ADAMTSL2: variants seen among roughly 807,000 people sequenced by gnomAD.
ADAMTSL2 encodes ADAMTS like 2.
A neutral mutation model predicts 117.0 loss-of-function variants in ADAMTSL2; 55 were observed. The ratio of observed to expected loss-of-function variants is 0.47; its 90% CI spans 0.38 to 0.59. The LOEUF (loss-of-function observed/expected upper bound fraction) is 0.59. Ranked by LOEUF, ADAMTSL2 falls within the 20% of genes least tolerant of loss-of-function variation. ADAMTSL2 has a pLI of 0.00. For synonymous variants in ADAMTSL2, 572 were observed against 566.4 expected, an observed-to-expected ratio of 1.01 and a Z score of -0.14; for missense variants, 1,182 against 1,354.5, an observed-to-expected ratio of 0.87 and a Z score of 2.00.
rs774836985 is a variant in ADAMTSL2 at position 133,536,809 on chromosome 9, G to T, written c.90+7G>T. ...AGTGTCAACCGGGTCCACGGTGAGT[G>T]GGGTGTTGTGGTCTGAGGGCCCATG... is the stretch of plus-strand genomic sequence containing the variant. On this transcript the variant is annotated splice_region_variant and intron_variant, in intron 2 of 18. Transcript: ENST00000651351. The T allele has an allele frequency of 6.2e-7, 1 of 1,614,168 alleles. No homozygotes were observed. Among genetic ancestry groups the T allele is most frequent in the South Asian group, 1.1e-5 (1 of 91,078 alleles).
chr9:133,565,412 A>T (rs1476481553), intron 12 of ADAMTSL2, among the ~76,000 whole-genome samples: 1 of 152,104 alleles, frequency 6.6e-6, no homozygotes. Flanking sequence ...CGAGGAGCGA[A>T]TGAATAACCA....
chr9:133,555,633 A>T lies in ADAMTSL2; in HGVS notation c.1352A>T (p.Glu451Val). The T allele has an allele frequency of 6.2e-7, 1 of 1,613,564 alleles. No individual in the cohort carries two copies. Among genetic ancestry groups the T allele is most frequent in the Admixed American group, 1.7e-5 (1 of 60,034 alleles). ...GTTGACACCCACTTCGCCTCCCAGG[A>T]GTTCTTCTCGGCTAACGCCATCTCT... Reference protein sequence around the residue: ...EEVDTHFASQEFFSANAISDQ... With the variant: ...EEVDTHFASQVFFSANAISDQ... Residue 451 changes from glutamate (E) to valine (V), a missense_variant, in exon 11 of 19, where the codon GAG becomes GTG. By Grantham distance (121) the Glu-to-Val change is moderately radical (BLOSUM62 -2). Transcript: ENST00000651351.
chr9:133,571,438 AG>A (rs1161503473), intron 17 of ADAMTSL2, among the ~76,000 whole-genome samples: 1 of 152,092 alleles, frequency 6.6e-6, no homozygotes, highest in South Asian at 2.1e-4. Context: ...GGTTTCACAG[AG>A]GGGGTGGCAA....
At position 133,539,773 on chromosome 9, in the gene ADAMTSL2, G is replaced by A. The variant is rs148430429; in HGVS notation, c.312G>A (p.Glu104=). 568 of 1,534,676 alleles carry A rather than the reference G, an allele frequency of 3.7e-4. No individual in the cohort carries two copies. Among genetic ancestry groups the A allele is most frequent in the Non-Finnish European group, 4.8e-4 (545 of 1,139,476 alleles). ...CTCCCTGTCCCTTCGCTTCCCAGGA[G>A]TGTCCGCCGGACGGGAGGAGCTTCC... ...SKRYQLCRVQ[E]CPPDGRSFRE... Residue 104 remains glutamate (E), a splice_region_variant and synonymous_variant, in exon 5 of 19, where the codon GAG becomes GAA. Transcript: ENST00000651351.
rs1208444871 is a variant in ADAMTSL2 at position 133,561,185 on chromosome 9, G to C, written c.1650-13G>C. On this transcript the variant is annotated splice_polypyrimidine_tract_variant and intron_variant, in intron 11 of 18. Coordinates refer to ENST00000651351, the MANE Select transcript of ADAMTSL2 (RefSeq NM_014694.4). ...AGCGTCTCATCACCTTCCCTGCTTG[G>C]TCTCGCTTTCAGGACCAGGCCCAAG... The C allele has an allele frequency of 3.8e-6, 6 of 1,595,684 alleles. No individual in the cohort carries two copies. The Admixed American group carries it at 5.2e-5, about 14-fold the overall frequency.
chr9:133,543,967 G>A (rs1196426040), intron 7 of ADAMTSL2, among the ~76,000 whole-genome samples: 1 of 152,258 alleles, frequency 6.6e-6, no homozygotes, highest in Non-Finnish European at 1.5e-5. Flanking sequence ...TGGTGCTTAG[G>A]AAGGGCGTAG....
In ADAMTSL2 at chr9:133,540,499, A is replaced by G. The variant is rs115817936; in HGVS notation, c.413-99A>G. ...TCTCCAGGCCTGAGTTGCCCCATCT[A>G]TGCAATGGGAGCTGTCTCAGAGGGA... On this transcript the variant is annotated intron_variant, in intron 5 of 18. Transcript: ENST00000651351. 1.2e-3 allele frequency: 1,779 copies of G among 1,478,916 alleles called. 15 individuals are homozygous for G. In the African/African-American group the frequency reaches 0.021, roughly 17 times the overall value. The allele number at this position is 1,478,916 out of a possible 1,614,324, so 91.6% of individuals were successfully genotyped here.
Position 133,557,994 on chromosome 9 carries a change from T to C in ADAMTSL2, c.1649+2064T>C, listed in dbSNP as rs1165658226. On this transcript the variant is annotated intron_variant, in intron 11 of 18. Transcript: ENST00000651351. This position sits in a 1 kb window ranked among gnomAD's most constrained non-coding sequence, Gnocchi z 5.2. ...GGGGCTGCCCTTTGGGCCCACCAGGTCAAATATTCAGTGATCCTTAGGCCA... is the reference window on the plus strand; with the variant it reads ...GGGGCTGCCCTTTGGGCCCACCAGGCCAAATATTCAGTGATCCTTAGGCCA... Among the ~76,000 whole-genome samples the C allele has an allele frequency of 6.6e-6, 1 of 151,846 alleles. No homozygotes were observed. Among genetic ancestry groups the C allele is most frequent in the Non-Finnish European group, 1.5e-5 (1 of 67,984 alleles).
Position 133,555,656 on chromosome 9 carries a change from T to C in ADAMTSL2, c.1375T>C (p.Ser459Pro), listed in dbSNP as rs961549651. 6.2e-7 allele frequency: 1 copy of C among 1,613,742 alleles called. No individual in the cohort carries two copies. The highest frequency in any genetic ancestry group is 8.5e-7 in the Non-Finnish European group (1 of 1,180,018). ...GGAGTTCTTCTCGGCTAACGCCATC[T>C]CTGACCAGCTGCTGGGCGCAGGCTC... ...SQEFFSANAISDQLLGAGSDL... is the reference protein window; with the variant it reads ...SQEFFSANAIPDQLLGAGSDL... Residue 459 changes from serine (S) to proline (P), a missense_variant, in exon 11 of 19, where the codon TCT becomes CCT. Physicochemically the swap from Ser to Pro is moderately conservative, Grantham distance 74. Transcript: ENST00000651351.
At chr9:133,570,159 T>C (rs1276809635) in intron 16 of ADAMTSL2, among the ~76,000 whole-genome samples, 172 bp from the exon 17 acceptor site, 1 of 152,252 alleles carries the variant, frequency 6.6e-6, no homozygotes, top group African/African-American at 2.4e-5. Flanking sequence ...ATCAAATCCA[T>C]CTGGGGCCAA....
At chr9:133,565,231 A>C (rs1248753664) in intron 12 of ADAMTSL2, among the ~76,000 whole-genome samples, 12 of 152,076 alleles carry the variant, frequency 7.9e-5, no homozygotes, top group African/African-American at 2.9e-4. Flanking sequence ...GTGCCCAGAA[A>C]AAACGTCCTG....
rs767986693 is a variant in ADAMTSL2 at position 133,547,047 on chromosome 9, A to G, written c.773A>G (p.Asp258Gly). The change falls in exon 9 of 19, where the codon GAC becomes GGC. Residue 258 changes from aspartate (D) to glycine (G), a missense_variant. Physicochemically the swap from Asp to Gly is moderately conservative, Grantham distance 94 (BLOSUM62 -1). Around this residue, in one of 3 missense-constraint regions of ADAMTSL2, gnomAD observed 372 missense variants for 463.4 expected, o/e 0.80. Coordinates refer to ENST00000651351, the MANE Select transcript of ADAMTSL2 (RefSeq NM_014694.4). ...GGCTTTGCCCTTCCAGCTCTTGCAG[A>G]CGAAGCTGGCTACTACTTCTTCAAC... Reference protein sequence around the residue: ...KKSADVLALADEAGYYFFNGN... With the variant: ...KKSADVLALAGEAGYYFFNGN... 3 of 1,613,736 alleles carry G rather than the reference A, an allele frequency of 1.9e-6. No individual in the cohort carries two copies. Among genetic ancestry groups the G allele is most frequent in the Non-Finnish European group, 2.5e-6 (3 of 1,179,758 alleles).
upstream of ADAMTSL2, chr9:133,532,613 G>C (rs1187666436): frequency 2.0e-5 from 3 of 152,272 alleles, no homozygotes; most frequent in East Asian, 1.9e-4. Flanking sequence ...AAGGCCCTGA[G>C]AGGCCGGGAA....
Position 133,554,374 on chromosome 9 carries a change from C to T in ADAMTSL2, c.957C>T (p.Gly319=). ...GLNVMVWNQN[G]KSPSITFEYT... ...TTCCCTAGGTGTGGAACCAGAACGGCAAAAGCCCCTCCATCACCTTCGAGT... is the reference window on the plus strand; with the variant it reads ...TTCCCTAGGTGTGGAACCAGAACGGTAAAAGCCCCTCCATCACCTTCGAGT... Residue 319 remains glycine (G), a synonymous_variant, in exon 10 of 19, where the codon GGC becomes GGT. Transcript: ENST00000651351. The surrounding 1 kb of genome is among the most constrained non-coding windows in gnomAD (Gnocchi z 5.2). 1 of 1,556,856 alleles carries T rather than the reference C, an allele frequency of 6.4e-7. No homozygotes were observed. The highest frequency in any genetic ancestry group is 8.7e-7 in the Non-Finnish European group (1 of 1,154,936).
At position 133,574,760 on chromosome 9, in the gene ADAMTSL2, G is replaced by T; in HGVS notation, c.2752G>T (p.Asp918Tyr). Residue 918 changes from aspartate to tyrosine, a missense_variant, in exon 19 of 19, where the codon GAC becomes TAC. By Grantham distance (160) the Asp-to-Tyr change is radical (BLOSUM62 -3). Transcript: ENST00000651351. Reference sequence around the variant, plus strand: ...TCCTTCTCCAGATGACAGCTGCCAGGACCAGCCAGGCACCAACTGTGCCCT... The same window carrying T: ...TCCTTCTCCAGATGACAGCTGCCAGTACCAGCCAGGCACCAACTGTGCCCT... The part of the protein sequence containing the change: ...PTEPPDDSCQ[D>Y]QPGTNCALAI... The T allele has an allele frequency of 1.2e-6, 2 of 1,613,620 alleles. No homozygotes were observed. Among genetic ancestry groups the T allele is most frequent in the Non-Finnish European group, 8.5e-7 (1 of 1,179,916 alleles).
upstream of ADAMTSL2, chr9:133,532,591 T>A (rs1243089197): frequency 1.3e-5 from 2 of 152,190 alleles, no homozygotes; most frequent in African/African-American, 4.8e-5. Flanking sequence ...GCTGAGACCA[T>A]CCTACATGGG....
chr9:133,575,162 C>A lies in ADAMTSL2; in HGVS notation c.*298C>A, dbSNP rs1831200803. 4 of 446,022 alleles carry A rather than the reference C, an allele frequency of 9.0e-6. No individual in the cohort carries two copies. The Admixed American group carries it at 1.1e-4, about 12-fold the overall frequency. 27.6% of individuals were successfully genotyped at this position (446,022 alleles called of 1,614,324 possible). A position where few individuals can be genotyped will look rare whatever the true frequency, so the allele number is the denominator to read the frequency against. ...TCCCACTCCCCAGCCCCCCAGCAGC[C>A]CCCAGCCGAGGGGCCCAGGGCCCAC... On this transcript the variant is annotated 3_prime_UTR_variant, in exon 19 of 19. Coordinates refer to ENST00000651351, the MANE Select transcript of ADAMTSL2 (RefSeq NM_014694.4).
intron 1 of ADAMTSL2, among the ~76,000 whole-genome samples, 194 bp downstream of exon 1, chr9:133,535,111 G>A (rs1588272092): frequency 6.6e-6 from 1 of 152,180 alleles, no homozygotes; most frequent in Non-Finnish European, 1.5e-5. Flanking sequence ...TGTGCGCCCG[G>A]AGCTCTGTGT....
rs756538178 is a variant in ADAMTSL2 at position 133,558,088 on chromosome 9, G to C, written c.1649+2158G>C. On this transcript the variant is annotated intron_variant, in intron 11 of 18. Transcript: ENST00000651351. The surrounding 1 kb of genome is among the most constrained non-coding windows in gnomAD (Gnocchi z 4.3). ...GAGTCTCTCCTGCCCCATCTTGGTT[G>C]ACTCTTACCCTCCCCTCTTAGCCCC... 2.7e-4 allele frequency among the ~76,000 whole-genome samples: 41 copies of C among 152,134 alleles called. No individual in the cohort carries two copies. Among genetic ancestry groups the C allele is most frequent in the Non-Finnish European group, 4.9e-4 (33 of 68,014 alleles).
Sources: gnomAD v4.1 joint callset for allele counts (sites outside exome capture counted in the v4.1 genomes callset) on GRCh38, gnomAD v4.1.1 for gene constraint, gnomAD v4.1.1 regional missense constraint, Gnocchi (gnomAD v3.1) non-coding constraint, MANE v1.5 for transcripts, NCBI Gene and HGNC (gene_info 2026-07-23, HGNC 2026-07-21) for gene names.